OPCML: variants seen among roughly 807,000 people sequenced by gnomAD.
OPCML encodes the protein opioid binding protein/cell adhesion molecule like, also known as opioid-binding protein/cell adhesion molecule.
Under a neutral mutation model 37.8 loss-of-function variants are expected in OPCML, and 13 were observed. The observed-to-expected ratio is 0.34, with a 90% CI of 0.22 to 0.55. OPCML has a LOEUF of 0.55. OPCML is among the 20% of genes least tolerant of loss of function. The pLI is 0.91. For missense variants in OPCML, 341 were observed against 435.6 expected (o/e 0.78, Z 1.93); for synonymous variants, 176 against 168.8 (o/e 1.04, Z -0.33).
chr11:132,883,628 G>C (rs1943302331), intron 2 of OPCML, among the ~76,000 whole-genome samples: 1 of 152,152 alleles, frequency 6.6e-6, no homozygotes, highest in Non-Finnish European at 1.5e-5. Context: ...TGGGTAAATA[G>C]GAGAATGAAA....
intron 2 of OPCML, among the ~76,000 whole-genome samples, chr11:132,769,970 T>G (rs1433921686): frequency 1.3e-5 from 2 of 152,146 alleles, no homozygotes; most frequent in African/African-American, 4.8e-5. Flanking sequence ...CTGGAAGGAA[T>G]GCTCTGCACC....
At chr11:132,549,371 A>G (rs1055497371) in intron 3 of OPCML, among the ~76,000 whole-genome samples, 1 of 152,248 alleles carries the variant, frequency 6.6e-6, no homozygotes, top group Non-Finnish European at 1.5e-5. Flanking sequence ...AAGAAAACTC[A>G]TGAATAATCC....
intron 2 of OPCML, among the ~76,000 whole-genome samples, chr11:132,776,988 CAA>C (rs1241283352): frequency 1.3e-5 from 2 of 152,106 alleles, no homozygotes; most frequent in Non-Finnish European, 2.9e-5. Context: ...GGCAAAGTAA[CAA>C]GAGAGAGTAA....
At chr11:132,508,087 T>C (rs1565622581) in intron 4 of OPCML, among the ~76,000 whole-genome samples, 1 of 152,166 alleles carries the variant, frequency 6.6e-6, no homozygotes, top group Non-Finnish European at 1.5e-5. Context: ...CTAGAAATAT[T>C]GCTATTACAA....
chr11:133,483,964 T>A (rs1327844525), intron 1 of OPCML, among the ~76,000 whole-genome samples: 1 of 129,482 alleles, frequency 7.7e-6, no homozygotes, highest in African/African-American at 3.7e-5. Context: ...AGACAGATTA[T>A]ATAGATAGGT....
intron 2 of OPCML, among the ~76,000 whole-genome samples, chr11:132,807,655 C>T (rs1389753532): frequency 6.6e-6 from 1 of 152,160 alleles, no homozygotes; most frequent in Admixed American, 6.5e-5. Flanking sequence ...TTTGTGTAGC[C>T]AGCCAGACAT....
At chr11:133,294,794 T>TA (rs1236629998) in intron 1 of OPCML, among the ~76,000 whole-genome samples, 1 of 134,772 alleles carries the variant, frequency 7.4e-6, no homozygotes, top group Non-Finnish European at 1.7e-5. Flanking sequence ...TTTCTTTTTT[T>TA]TTTTCTTTCT....
chr11:133,372,500 A>T (rs937289319), intron 1 of OPCML, among the ~76,000 whole-genome samples: 4 of 152,198 alleles, frequency 2.6e-5, no homozygotes, highest in Non-Finnish European at 5.9e-5. Flanking sequence ...AAAATCTTTG[A>T]GTTATACCAA....
intron 1 of OPCML, among the ~76,000 whole-genome samples, chr11:133,328,817 C>T (rs540373252): frequency 3.7e-4 from 57 of 152,170 alleles, no homozygotes; most frequent in South Asian, 1.0e-3. Flanking sequence ...AACATAGTGT[C>T]GGAAGTTCTG....
intron 1 of OPCML, among the ~76,000 whole-genome samples, chr11:133,183,328 A>C (rs564517343): frequency 6.9e-4 from 105 of 152,330 alleles, no homozygotes; most frequent in African/African-American, 2.5e-3. Context: ...CTTAAATTCT[A>C]TCTCACTCTG....
chr11:133,381,093 C>A (rs1291256602), intron 1 of OPCML, among the ~76,000 whole-genome samples: 3 of 152,216 alleles, frequency 2.0e-5, no homozygotes, highest in Admixed American at 6.5e-5. Context: ...AGCAGGGAAG[C>A]CTGACAGGCT....
intron 3 of OPCML, among the ~76,000 whole-genome samples, chr11:132,631,014 A>G (rs1940067810): frequency 6.6e-6 from 1 of 152,164 alleles, no homozygotes; most frequent in Non-Finnish European, 1.5e-5. Context: ...AAAGAAGCTA[A>G]ATGCAATAGA....
chr11:132,946,330 C>A (rs2136687173), intron 1 of OPCML, among the ~76,000 whole-genome samples: 1 of 152,276 alleles, frequency 6.6e-6, no homozygotes, highest in East Asian at 1.9e-4. Context: ...GTAGCAGGAG[C>A]ATACTGTAAA....
chr11:132,452,307 A>T (rs1378785996), intron 4 of OPCML, among the ~76,000 whole-genome samples: 1 of 152,132 alleles, frequency 6.6e-6, no homozygotes. Context: ...GGTGGGCACC[A>T]AGCTGGGGGA....
chr11:132,637,027 G>A (rs1048041578), intron 3 of OPCML, among the ~76,000 whole-genome samples: 11 of 152,172 alleles, frequency 7.2e-5, no homozygotes, highest in Admixed American at 6.5e-4. Flanking sequence ...TCATTGACAC[G>A]CCATCAACTA....
chr11:132,444,323 T>C (rs2096047005), intron 4 of OPCML, among the ~76,000 whole-genome samples: 1 of 152,168 alleles, frequency 6.6e-6, no homozygotes, highest in African/African-American at 2.4e-5. Flanking sequence ...ATAGGACTTC[T>C]CCTTTTATCC....
At chr11:132,635,592 C>A (rs57066491) in intron 3 of OPCML, among the ~76,000 whole-genome samples, 150,886 of 150,900 alleles carry the variant, frequency 1, 75,436 homozygotes, top group Middle Eastern at 1. Context: ...GAAATTTGAC[C>A]AAAAAAAAAT....
chr11:132,637,251 T>C (rs1188840423), intron 3 of OPCML, among the ~76,000 whole-genome samples: 2 of 152,118 alleles, frequency 1.3e-5, no homozygotes, highest in African/African-American at 4.8e-5. Flanking sequence ...GATTTCTCCC[T>C]ATTTCCACCG....
chr11:132,533,167 G>A (rs1328674848), intron 3 of OPCML, among the ~76,000 whole-genome samples: 1 of 152,182 alleles, frequency 6.6e-6, no homozygotes, highest in African/African-American at 2.4e-5. Flanking sequence ...TGTGTTATCT[G>A]TGCAGACGCT....
Sources: gnomAD v4.1 joint callset for allele counts (sites outside exome capture counted in the v4.1 genomes callset) on GRCh38, gnomAD v4.1.1 for gene constraint, MANE v1.5 for transcripts, NCBI Gene and HGNC (gene_info 2026-07-23, HGNC 2026-07-21) for gene names.